The following LDHB variants were observed in gnomAD, a reference collection of about 807,000 sequenced individuals.
LDHB encodes L-lactate dehydrogenase B chain.
LDHB carries 18 observed loss-of-function variants against 33.4 expected under a neutral mutation model. The ratio of observed to expected loss-of-function variants is 0.54; its 90% CI spans 0.37 to 0.80. The LOEUF (loss-of-function observed/expected upper bound fraction) is 0.80. Ranked by LOEUF, LDHB falls within the 30% of genes least tolerant of loss-of-function variation. LDHB has a pLI of 0.00. For synonymous variants in LDHB, 121 were observed against 140.6 expected, an observed-to-expected ratio of 0.86 and a Z score of 0.98; for missense variants, 345 against 407.9, an observed-to-expected ratio of 0.85 and a Z score of 1.33.
At chr12:21,643,836 T>G in intron 4 of LDHB, 99 bp downstream of exon 4, 1 of 947,368 alleles carries the variant, frequency 1.1e-6, no homozygotes, top group Non-Finnish European at 1.7e-6. Context: ...ACTGCTTCTG[T>G]AAATGAATAC....
intron 5 of LDHB, among the ~76,000 whole-genome samples, chr12:21,639,628 AC>A (rs756768434): frequency 4.6e-5 from 7 of 152,070 alleles, no homozygotes; most frequent in Non-Finnish European, 1.0e-4. Context: ...TTTACATAGT[AC>A]ATAGGTGGCA....
rs147776951 is a variant in LDHB, at chr12:21,652,913, G to A, written c.129+1630C>T. On this transcript the variant is annotated intron_variant, in intron 2 of 7. Transcript: ENST00000350669. Reference sequence around the variant, plus strand: ...CTGTTTCTTAGTAAAGACTCAGTTTGCTGCTTTAGAATTTAAATTTTGAAA... The same window carrying A: ...CTGTTTCTTAGTAAAGACTCAGTTTACTGCTTTAGAATTTAAATTTTGAAA... Among the ~76,000 whole-genome samples the A allele has an allele frequency of 5.6e-3, 858 of 152,290 alleles. 9 individuals carry two copies. The highest frequency in any genetic ancestry group is 0.019 in the African/African-American group (807 of 41,560).
At chr12:21,644,311 C>G (rs988494996) in intron 3 of LDHB, among the ~76,000 whole-genome samples, 3 of 151,326 alleles carry the variant, frequency 2.0e-5, no homozygotes, top group Non-Finnish European at 2.9e-5. Flanking sequence ...ATAATCCAAA[C>G]ATCAAACTGC....
chr12:21,652,882 T>C (rs967478935), intron 2 of LDHB, among the ~76,000 whole-genome samples: 1 of 149,242 alleles, frequency 6.7e-6, no homozygotes, highest in Admixed American at 6.6e-5. Context: ...TTTATTTTTT[T>C]GATAACTGTT....
chr12:21,644,843 T>C (rs1184967989), intron 3 of LDHB, among the ~76,000 whole-genome samples: 1 of 152,162 alleles, frequency 6.6e-6, no homozygotes, highest in South Asian at 2.1e-4. Context: ...TCAGATGAAA[T>C]AATATGTGCA....
intron 3 of LDHB, among the ~76,000 whole-genome samples, chr12:21,645,822 C>T (rs1356263942): frequency 2.0e-5 from 3 of 152,166 alleles, no homozygotes; most frequent in African/African-American, 4.8e-5. Flanking sequence ...CCGGTTCCCT[C>T]GGCCCACTTT....
rs1225253856 is a variant in LDHB, at chr12:21,642,050, AG to A, written c.496del (p.Leu166TrpfsTer40). 1 of 1,613,642 alleles carries A rather than the reference AG, an allele frequency of 6.2e-7. No homozygotes were observed. The highest frequency in any genetic ancestry group is 8.5e-7 in the Non-Finnish European group (1 of 1,179,678). Reference protein sequence around the residue: ...KHRVIGSGCNLDSARFRYLMA... With the variant: ...KHRVIGSGCNXDSARFRYLMA... ...AAGGTAGCGAAATCTAGCAGAATCCAGATTACATCCACTTCCAATCACGCGG... is the reference window on the plus strand; with the variant it reads ...AAGGTAGCGAAATCTAGCAGAATCCAATTACATCCACTTCCAATCACGCGG... On this transcript the variant is annotated frameshift_variant, in exon 5 of 8. Coordinates refer to ENST00000350669, the MANE Select transcript of LDHB (RefSeq NM_002300.8). LOFTEE classifies it high-confidence loss of function.
intron 2 of LDHB, among the ~76,000 whole-genome samples, chr12:21,651,954 A>G (rs1938701108): frequency 6.6e-6 from 1 of 152,242 alleles, no homozygotes; most frequent in Non-Finnish European, 1.5e-5. Flanking sequence ...CGCTAGATTG[A>G]AAAACAGAAA....
At chr12:21,644,194 C>T in intron 3 of LDHB, 86 bp from the exon 4 acceptor site, 1 of 960,404 alleles carries the variant, frequency 1.0e-6, no homozygotes, top group Admixed American at 2.0e-5. Flanking sequence ...AAAGCCTAAC[C>T]ATACATAAGC....
intron 1 of LDHB, among the ~76,000 whole-genome samples, chr12:21,656,099 C>T (rs1424222553): frequency 1.3e-5 from 2 of 152,160 alleles, no homozygotes; most frequent in African/African-American, 4.8e-5. Flanking sequence ...TTCTAATCTG[C>T]AATGGACTAA....
intron 7 of LDHB, 29 bp downstream of exon 7, chr12:21,637,042 A>G (rs1938238027): frequency 5.2e-6 from 8 of 1,551,426 alleles, no homozygotes; most frequent in African/African-American, 1.4e-5. Flanking sequence ...GCGAGAAATC[A>G]TATTACATTT....
rs1422415242 is a variant in LDHB, at chr12:21,643,973, T to TA, written c.382dup (p.Tyr128LeufsTer4). 6.2e-7 allele frequency: 1 copy of TA among 1,613,024 alleles called. No individual in the cohort carries two copies. Among genetic ancestry groups the TA allele is most frequent in the Non-Finnish European group, 8.5e-7 (1 of 1,179,018 alleles). ...CACAATTATGATGCAATCAGGACTG[T>TA]ACTTGACGATCTGAGGAATAATGAA... is the stretch of plus-strand genomic sequence containing the variant. On this transcript the variant is annotated frameshift_variant, in exon 4 of 8. Transcript: ENST00000350669. LOFTEE classifies it high-confidence loss of function.
chr12:21,650,126 ACACACACACACACACACACACACACG>A (rs1591834185), intron 2 of LDHB, among the ~76,000 whole-genome samples: 1 of 148,072 alleles, frequency 6.8e-6, no homozygotes, highest in African/African-American at 2.5e-5. Flanking sequence ...ACACACACAC[ACACACACACACACACACACACACACG>A]TCTCTCTCTC....
chr12:21,654,747 ATG>A (rs1414533917), intron 1 of LDHB, 70 bp from the exon 2 acceptor site: 1 of 1,315,706 alleles, frequency 7.6e-7, no homozygotes, highest in Admixed American at 1.7e-5. Flanking sequence ...CATCCTTAAA[ATG>A]TTACTGTTGC....
At chr12:21,650,105 T>TACACACACACACAC (rs765877721) in intron 2 of LDHB, among the ~76,000 whole-genome samples, 3 of 31,008 alleles carry the variant, frequency 9.7e-5, no homozygotes, top group African/African-American at 2.3e-4. Flanking sequence ...AGAAAAAAAA[T>TACACACACACACAC]ACACACACAC....
intron 7 of LDHB, among the ~76,000 whole-genome samples, chr12:21,636,016 T>C (rs1052140793): frequency 6.6e-6 from 1 of 152,184 alleles, no homozygotes; most frequent in Non-Finnish European, 1.5e-5. Flanking sequence ...TACTTATGTT[T>C]TGAATTAGGT....
At position 21,644,451 on chromosome 12, in the gene LDHB, A is replaced by AAAAAAAC. The variant is rs1202481820; in HGVS notation, c.248-344_248-343insGTTTTTT. Among the ~76,000 whole-genome samples, 66 of 147,940 alleles carry AAAAAAAC rather than the reference A, an allele frequency of 4.5e-4. 3 individuals are homozygous for AAAAAAAC. In the East Asian group the frequency reaches 9.1e-3, roughly 20 times the overall value. On this transcript the variant is annotated intron_variant, in intron 3 of 7. Transcript: ENST00000350669. Reference sequence around the variant, plus strand: ...AAAAAAAAAAAAAAAAAAAACAAAAACAAAAACCAATTTTAAGTTACTTTT... The same window carrying AAAAAAAC: ...AAAAAAAAAAAAAAAAAAAACAAAAAAAAAAACCAAAAACCAATTTTAAGTTACTTTT...
chr12:21,638,314 T>A, intron 6 of LDHB, 39 bp downstream of exon 6: 1 of 1,056,592 alleles, frequency 9.5e-7, no homozygotes, highest in African/African-American at 1.6e-5. Context: ...TAAGTAGAGT[T>A]GAAATTAATC....
intron 6 of LDHB, among the ~76,000 whole-genome samples, chr12:21,637,875 T>C (rs886354819): frequency 7.0e-6 from 1 of 142,738 alleles, no homozygotes; most frequent in African/African-American, 2.6e-5. Flanking sequence ...TAAGGTTCCT[T>C]TTCTCCACAT....
Sources: gnomAD v4.1 joint callset for allele counts (sites outside exome capture counted in the v4.1 genomes callset) on GRCh38, gnomAD v4.1.1 for gene constraint, MANE v1.5 for transcripts, NCBI Gene and HGNC (gene_info 2026-07-23, HGNC 2026-07-21) for gene names.